Variants in TMPRSS15 observed in about 807,000 individuals in gnomAD.
TMPRSS15 encodes enteropeptidase.
TMPRSS15 carries 128 observed loss-of-function variants against 125.3 expected under a neutral mutation model. The observed-to-expected ratio is 1.02, with a 90% confidence interval of 0.89 to 1.18. The LOEUF is 1.18. Among genes scored for constraint, TMPRSS15 ranks in the 50% most tolerant of loss-of-function variants. The probability of loss-of-function intolerance (pLI) is 0.00; values close to 1 mark genes in which losing one functional copy is unlikely to be tolerated. For missense variants in TMPRSS15, 1,283 were observed against 1,212.7 expected (o/e 1.06, Z -0.86); for synonymous variants, 446 against 423.2 (o/e 1.05, Z -0.66).
At chr21:18,384,082 T>C (rs1473741622) in intron 3 of TMPRSS15, among the ~76,000 whole-genome samples, 1 of 152,204 alleles carries the variant, frequency 6.6e-6, no homozygotes, top group Non-Finnish European at 1.5e-5. Context: ...GAGACCCTTG[T>C]GTTAAAATCA....
chr21:18,439,331 T>G (rs2076235990), intron 1 of TMPRSS15, among the ~76,000 whole-genome samples: 1 of 152,168 alleles, frequency 6.6e-6, no homozygotes, highest in Non-Finnish European at 1.5e-5. Context: ...GTTTAAAAGA[T>G]TTACCCAGAG....
chr21:18,294,671 C>T lies in TMPRSS15; in HGVS notation c.2262-19G>A, dbSNP rs777927771. ...CTGTTGACTGTAATAGAAGAACAAT[C>T]ATATTTTTAAAATTATGCATTTAAT... On this transcript the variant is annotated intron_variant, in intron 19 of 24. Transcript: ENST00000284885. 3.7e-6 allele frequency: 6 copies of T among 1,601,876 alleles called. No individual in the cohort carries two copies. The Admixed American group carries it at 6.7e-5, about 18-fold the overall frequency.
intron 21 of TMPRSS15, among the ~76,000 whole-genome samples, chr21:18,286,252 C>G (rs116946789): frequency 2.0e-5 from 3 of 152,006 alleles, no homozygotes; most frequent in Admixed American, 1.3e-4. Context: ...TCCCAGGGGT[C>G]TGCCTTCGGC....
intron 16 of TMPRSS15, among the ~76,000 whole-genome samples, chr21:18,316,453 G>A (rs1039131349): frequency 7.9e-5 from 12 of 152,122 alleles, no homozygotes; most frequent in East Asian, 1.9e-4. Context: ...GGATTGGGTC[G>A]GAAACAGAAG....
intron 1 of TMPRSS15, among the ~76,000 whole-genome samples, chr21:18,424,073 C>A (rs1192890049): frequency 6.6e-6 from 1 of 152,114 alleles, no homozygotes; most frequent in Admixed American, 6.5e-5. Flanking sequence ...AAAGAGAATG[C>A]TTTCACACGG....
intron 17 of TMPRSS15, among the ~76,000 whole-genome samples, chr21:18,314,825 A>G (rs1409655057): frequency 1.3e-5 from 2 of 152,126 alleles, no homozygotes; most frequent in African/African-American, 2.4e-5. Flanking sequence ...ACAGTAGCCA[A>G]TATGAGTGGT....
intron 8 of TMPRSS15, among the ~76,000 whole-genome samples, chr21:18,354,257 G>A (rs2075602302): frequency 6.6e-6 from 1 of 151,768 alleles, no homozygotes; most frequent in Admixed American, 6.6e-5. Context: ...CCCACTCACA[G>A]GGGCTTAATC....
intron 21 of TMPRSS15, among the ~76,000 whole-genome samples, chr21:18,286,486 CTT>C (rs1568983917): frequency 6.6e-6 from 1 of 152,226 alleles, no homozygotes; most frequent in Non-Finnish European, 1.5e-5. Context: ...CTCTCACTCT[CTT>C]TCCAATCTGA....
intron 13 of TMPRSS15, among the ~76,000 whole-genome samples, chr21:18,338,227 GA>G (rs2075411916): frequency 1.3e-5 from 2 of 152,034 alleles, no homozygotes; most frequent in South Asian, 4.2e-4. Context: ...AGGTAATGGT[GA>G]GATGGTGCTA....
chr21:18,371,843 G>C (rs2075794674), intron 6 of TMPRSS15, among the ~76,000 whole-genome samples: 1 of 152,002 alleles, frequency 6.6e-6, no homozygotes, highest in African/African-American at 2.4e-5. Context: ...ATTAATAATA[G>C]TTTGGATTAG....
intron 1 of TMPRSS15, 21 bp downstream of exon 1, chr21:18,403,456 GA>G (rs2076115278): frequency 6.2e-7 from 1 of 1,613,930 alleles, no homozygotes; most frequent in South Asian, 1.1e-5. Flanking sequence ...GCACCTTCAC[GA>G]GCCAACTCCA....
At chr21:18,399,165 G>C (rs940428906) in intron 1 of TMPRSS15, among the ~76,000 whole-genome samples, 1 of 151,970 alleles carries the variant, frequency 6.6e-6, no homozygotes, top group Non-Finnish European at 1.5e-5. Flanking sequence ...ATAATCTGGT[G>C]CGAGAAGACG....
intron 1 of TMPRSS15, among the ~76,000 whole-genome samples, chr21:18,424,667 G>A (rs1032051039): frequency 5.3e-5 from 8 of 151,988 alleles, no homozygotes; most frequent in African/African-American, 1.2e-4. Context: ...AAAAGGAGCC[G>A]GGGGAAAAAG....
chr21:18,280,453 C>T (rs2074678509), intron 22 of TMPRSS15, among the ~76,000 whole-genome samples: 2 of 151,742 alleles, frequency 1.3e-5, no homozygotes, highest in South Asian at 2.1e-4. Context: ...TCATGGCATG[C>T]ACCCGTAGTC....
intron 10 of TMPRSS15, 91 bp from the exon 11 acceptor site, chr21:18,344,151 TA>T: frequency 9.3e-7 from 1 of 1,077,832 alleles, no homozygotes; most frequent in Admixed American, 1.9e-5. Context: ...AGAAAAACTT[TA>T]AGAAGAAAGG....
chr21:18,319,420 C>T (rs898838289), intron 16 of TMPRSS15, among the ~76,000 whole-genome samples: 3 of 136,170 alleles, frequency 2.2e-5, no homozygotes, highest in African/African-American at 5.4e-5. Context: ...TCTTCTTCAC[C>T]GATTTTTTTT....
chr21:18,433,450 T>C (rs1010218773), intron 1 of TMPRSS15, among the ~76,000 whole-genome samples: 3 of 151,924 alleles, frequency 2.0e-5, no homozygotes, highest in African/African-American at 7.2e-5. Context: ...TGTAACACTT[T>C]GGGAGGCAGA....
At position 18,349,000 on chromosome 21, in the gene TMPRSS15, A is replaced by G. The variant is rs74425131; in HGVS notation, c.1171+3903T>C. Among the ~76,000 whole-genome samples the G allele has an allele frequency of 3.9e-4, 60 of 152,302 alleles. No homozygotes were observed. In the East Asian group the frequency reaches 0.011, roughly 27 times the overall value. On this transcript the variant is annotated intron_variant, in intron 10 of 24. Transcript: ENST00000284885. ...AAGGGAATTGGGACAGAAATAGAAG[A>G]TAGGAAACTTGCCTAAATGGCAGGG...
intron 16 of TMPRSS15, among the ~76,000 whole-genome samples, chr21:18,323,031 A>G (rs184045462): frequency 6.0e-4 from 92 of 152,350 alleles, no homozygotes; most frequent in African/African-American, 1.9e-3. Context: ...AACACAATTT[A>G]AACAAACTGT....
Sources: gnomAD v4.1 joint callset for allele counts (sites outside exome capture counted in the v4.1 genomes callset) on GRCh38, gnomAD v4.1.1 for gene constraint, MANE v1.5 for transcripts, NCBI Gene and HGNC (gene_info 2026-07-23, HGNC 2026-07-21) for gene names.